CLSTN2: variants seen among roughly 807,000 people sequenced by gnomAD.
CLSTN2 encodes calsyntenin 2.
CLSTN2 carries 48 observed loss-of-function variants against 101.2 expected under a neutral mutation model. That is an observed-to-expected ratio of 0.47 (90% confidence interval 0.38 to 0.60). The LOEUF is 0.60. Among genes scored for constraint, CLSTN2 ranks in the 20% least tolerant of loss-of-function variants. CLSTN2 has a pLI of 0.00. For synonymous variants in CLSTN2, 481 were observed against 463.6 expected, an observed-to-expected ratio of 1.04 and a Z score of -0.48; for missense variants, 1,160 against 1,238.2, an observed-to-expected ratio of 0.94 and a Z score of 0.95.
At chr3:140,549,654 T>C (rs1935669523) in intron 10 of CLSTN2, among the ~76,000 whole-genome samples, 1 of 149,170 alleles carries the variant, frequency 6.7e-6, no homozygotes, top group Non-Finnish European at 1.5e-5. Context: ...TTCTTCCATA[T>C]CAGCAACTCA....
At position 140,421,214 on chromosome 3, in the gene CLSTN2, G is replaced by T; in HGVS notation, c.727G>T (p.Ala243Ser). The T allele has an allele frequency of 6.2e-7, 1 of 1,614,164 alleles. No individual in the cohort carries two copies. Among genetic ancestry groups the T allele is most frequent in the Non-Finnish European group, 8.5e-7 (1 of 1,180,012 alleles). Residue 243 changes from alanine (A) to serine (S), a missense_variant, in exon 5 of 17, where the codon GCT becomes TCT. By Grantham distance (99) the Ala-to-Ser change is moderately conservative. Transcript: ENST00000458420. Reference sequence around the variant, plus strand: ...CGCCTACGACTGTGGACAGAAGCCCGCTGCTCAGGACACCCTGGTGCAGGT... The same window carrying T: ...CGCCTACGACTGTGGACAGAAGCCCTCTGCTCAGGACACCCTGGTGCAGGT... ...VTAYDCGQKP[A>S]AQDTLVQVDV...
intron 1 of CLSTN2, among the ~76,000 whole-genome samples, chr3:139,956,846 C>T (rs976126772): frequency 6.6e-6 from 1 of 152,146 alleles, no homozygotes; most frequent in African/African-American, 2.4e-5. Flanking sequence ...TTGCCTCACC[C>T]TCACAAACTA....
chr3:140,259,107 AT>A (rs981152855), intron 2 of CLSTN2, among the ~76,000 whole-genome samples: 29 of 150,192 alleles, frequency 1.9e-4, no homozygotes, highest in East Asian at 3.9e-4. Context: ...GCCTCCATGT[AT>A]TTTTTTTTAA....
chr3:140,043,283 A>C (rs1449921935), intron 1 of CLSTN2, among the ~76,000 whole-genome samples: 1 of 152,168 alleles, frequency 6.6e-6, no homozygotes, highest in African/African-American at 2.4e-5. Context: ...AGTGATGATG[A>C]GCATTTTTTC....
At chr3:140,228,500 C>T (rs943684515) in intron 2 of CLSTN2, among the ~76,000 whole-genome samples, 1 of 152,218 alleles carries the variant, frequency 6.6e-6, no homozygotes, top group South Asian at 2.1e-4. Context: ...GCCCTGAAAA[C>T]TGTTTCAACC....
intron 8 of CLSTN2, among the ~76,000 whole-genome samples, 156 bp downstream of exon 8, chr3:140,466,887 C>T (rs529815): frequency 0.3 from 44,971 of 151,986 alleles, 6,785 homozygotes; most frequent in Admixed American, 0.38. Flanking sequence ...ATCTTAAAGT[C>T]AGGAAGGAAA....
chr3:140,067,355 T>C (rs997016443), intron 1 of CLSTN2, among the ~76,000 whole-genome samples: 36 of 151,962 alleles, frequency 2.4e-4, no homozygotes, highest in Admixed American at 3.3e-4. Context: ...GCTCCATTGA[T>C]GGGGTGATTC....
At chr3:140,106,096 C>T (rs2009053694) in intron 1 of CLSTN2, among the ~76,000 whole-genome samples, 1 of 152,142 alleles carries the variant, frequency 6.6e-6, no homozygotes, top group South Asian at 2.1e-4. Context: ...ATAGTCAGAT[C>T]CAGTCTTTAA....
At position 140,559,749 on chromosome 3, in the gene CLSTN2, G is replaced by A. The variant is rs535131985; in HGVS notation, c.2041+892G>A. On this transcript the variant is annotated intron_variant, in intron 12 of 16. Transcript: ENST00000458420. ...AAGCCACTGCTAATGATGTGCTGGT[G>A]CCTCTGGTCCTAAGTCCCTGAGGAG... Among the ~76,000 whole-genome samples the A allele has an allele frequency of 9.2e-5, 14 of 152,240 alleles. No individual in the cohort carries two copies. In the South Asian group the frequency reaches 1.9e-3, roughly 20 times the overall value.
chr3:139,982,698 A>G (rs1338676101), intron 1 of CLSTN2, among the ~76,000 whole-genome samples: 1 of 152,200 alleles, frequency 6.6e-6, no homozygotes, highest in East Asian at 1.9e-4. Context: ...CATCATGGCT[A>G]AAGTCTCAAA....
intron 1 of CLSTN2, among the ~76,000 whole-genome samples, chr3:139,939,639 G>T (rs1364179334): frequency 1.3e-5 from 2 of 152,200 alleles, no homozygotes. Context: ...TTCTCGCTTA[G>T]AGCAGTCACC....
At chr3:140,182,095 C>T (rs2010416736) in intron 2 of CLSTN2, among the ~76,000 whole-genome samples, 1 of 152,166 alleles carries the variant, frequency 6.6e-6, no homozygotes, top group Non-Finnish European at 1.5e-5. Flanking sequence ...CAATACCACT[C>T]AAATACTTGT....
chr3:140,334,459 T>G (rs2087421317), intron 2 of CLSTN2, among the ~76,000 whole-genome samples: 1 of 152,188 alleles, frequency 6.6e-6, no homozygotes, highest in Non-Finnish European at 1.5e-5. Context: ...TACATTTGCT[T>G]TTCTGTGAAT....
intron 2 of CLSTN2, among the ~76,000 whole-genome samples, chr3:140,304,502 C>T (rs895565938): frequency 6.6e-6 from 1 of 152,170 alleles, no homozygotes; most frequent in Non-Finnish European, 1.5e-5. Context: ...CTATCTTCCT[C>T]CTCTTATAAG....
chr3:140,174,880 A>T (rs947880525), intron 1 of CLSTN2, among the ~76,000 whole-genome samples: 2 of 152,092 alleles, frequency 1.3e-5, no homozygotes, highest in Admixed American at 6.5e-5. Context: ...ACAAAAACTT[A>T]TTGTCTCACG....
intron 8 of CLSTN2, among the ~76,000 whole-genome samples, chr3:140,512,789 T>C (rs1934840425): frequency 6.6e-6 from 1 of 152,328 alleles, no homozygotes. Context: ...CTAAATTCCT[T>C]GAGTAGTGGT....
chr3:140,422,953 C>G (rs563594529), intron 5 of CLSTN2, among the ~76,000 whole-genome samples: 16 of 152,282 alleles, frequency 1.1e-4, no homozygotes, highest in South Asian at 8.3e-4. Context: ...GTTTTTAACT[C>G]ATGAAGATTA....
At chr3:139,983,533 A>G (rs889474178) in intron 1 of CLSTN2, among the ~76,000 whole-genome samples, 1 of 152,172 alleles carries the variant, frequency 6.6e-6, no homozygotes, top group Non-Finnish European at 1.5e-5. Context: ...TATGTTATGA[A>G]CTTTGGAGAT....
chr3:140,341,849 A>T (rs946333728), intron 2 of CLSTN2, among the ~76,000 whole-genome samples: 2 of 152,158 alleles, frequency 1.3e-5, no homozygotes, highest in Non-Finnish European at 2.9e-5. Flanking sequence ...TATATTTTAT[A>T]TGTGTATATA....
Sources: allele counts gnomAD v4.1 joint callset (sites outside exome capture counted in the v4.1 genomes callset), GRCh38; gene constraint gnomAD v4.1.1; transcripts MANE v1.5; gene names NCBI Gene and HGNC (gene_info 2026-07-23, HGNC 2026-07-21).